The following LUZP2 variants were observed in gnomAD, a reference collection of about 807,000 sequenced individuals.
LUZP2 encodes leucine zipper protein 2.
Under a neutral mutation model 51.6 loss-of-function variants are expected in LUZP2, and 52 were observed. That is an observed-to-expected ratio of 1.01 (90% confidence interval 0.81 to 1.27). LUZP2 has a LOEUF of 1.27. LUZP2 is among the 50% of genes most tolerant of loss of function. The pLI, the probability that LUZP2 is intolerant of heterozygous loss-of-function variation, is 0.00. For synonymous variants in LUZP2, 154 were observed against 137.3 expected, an observed-to-expected ratio of 1.12 and a Z score of -0.85; for missense variants, 436 against 395.4, an observed-to-expected ratio of 1.10 and a Z score of -0.87.
At chr11:24,681,184 T>C (rs59794893) in intron 1 of LUZP2, among the ~76,000 whole-genome samples, 6,273 of 151,972 alleles carry the variant, frequency 0.041, 151 homozygotes, top group African/African-American at 0.061. Flanking sequence ...GGTTTCACCT[T>C]GTTAGCCAGG....
chr11:24,653,002 G>T (rs1310307891), intron 1 of LUZP2, among the ~76,000 whole-genome samples: 1 of 152,126 alleles, frequency 6.6e-6, no homozygotes. Context: ...TCAAAGGTTA[G>T]AATTAAGGTG....
At chr11:24,672,362 G>T (rs1467189535) in intron 1 of LUZP2, among the ~76,000 whole-genome samples, 2 of 151,768 alleles carry the variant, frequency 1.3e-5, no homozygotes, top group African/African-American at 4.8e-5. Context: ...CTATTATTTT[G>T]GGAAAGCCAC....
chr11:24,825,065 CTA>C (rs997334068), intron 5 of LUZP2, among the ~76,000 whole-genome samples: 4 of 151,936 alleles, frequency 2.6e-5, no homozygotes, highest in Non-Finnish European at 4.4e-5. Flanking sequence ...TGTGTGTACA[CTA>C]TGTGTAAACA....
At chr11:24,666,012 C>T (rs1224145666) in intron 1 of LUZP2, among the ~76,000 whole-genome samples, 1 of 152,012 alleles carries the variant, frequency 6.6e-6, no homozygotes, top group Non-Finnish European at 1.5e-5. Flanking sequence ...TGTAATTTTA[C>T]TGATGCAGGT....
chr11:24,764,212 C>T (rs723141), intron 5 of LUZP2, among the ~76,000 whole-genome samples: 24,989 of 151,996 alleles, frequency 0.16, 2,321 homozygotes, highest in East Asian at 0.41. Context: ...TGCGTGGGCG[C>T]GTACACACAC....
At chr11:24,526,395 A>C (rs78289844) in intron 1 of LUZP2, among the ~76,000 whole-genome samples, 5,053 of 151,282 alleles carry the variant, frequency 0.033, 248 homozygotes, top group African/African-American at 0.11. Context: ...TGGCACAGTT[A>C]ATGATTAAAG....
chr11:24,898,559 C>A (rs1451720608), intron 5 of LUZP2, among the ~76,000 whole-genome samples: 1 of 151,596 alleles, frequency 6.6e-6, no homozygotes, highest in Non-Finnish European at 1.5e-5. Context: ...GGAAGCAGAG[C>A]TTACAGTGAG....
intron 5 of LUZP2, among the ~76,000 whole-genome samples, chr11:24,899,264 G>A (rs528156880): frequency 7.2e-5 from 11 of 151,836 alleles, no homozygotes; most frequent in South Asian, 4.2e-4. Context: ...ATCTTATAGC[G>A]TGTGATTTAG....
rs139250754 is a variant in LUZP2 at position 24,805,939 on chromosome 11, T to C, written c.396+42631T>C. On this transcript the variant is annotated intron_variant, in intron 5 of 11. Transcript: ENST00000336930. ...TTATTGCAGGGGTTTTAATTCCACA[T>C]TTCTGTCCTGCAACAAGAGTAAGAA... 2.6e-3 allele frequency among the ~76,000 whole-genome samples: 389 copies of C among 152,270 alleles called. 1 individual carries two copies. The highest frequency in any genetic ancestry group is 8.8e-3 in the African/African-American group (366 of 41,562).
At position 24,611,062 on chromosome 11, in the gene LUZP2, T is replaced by G. The variant is rs1302767121; in HGVS notation, c.62+113757T>G. The stretch of plus-strand genomic sequence containing the variant: ...CTTACATGACATAGCTTTGTTTTTT[T>G]TTATTTTTATTTTTTGTTTTGTTTT... On this transcript the variant is annotated intron_variant, in intron 1 of 11. Transcript: ENST00000336930. This position sits in a 1 kb window ranked among gnomAD's most constrained non-coding sequence, Gnocchi z 4.6. Among the ~76,000 whole-genome samples, 1 of 151,992 alleles carries G rather than the reference T, an allele frequency of 6.6e-6. No homozygotes were observed. The highest frequency in any genetic ancestry group is 1.9e-4 in the East Asian group (1 of 5,196).
At chr11:24,613,202 C>T (rs1396762754) in intron 1 of LUZP2, among the ~76,000 whole-genome samples, 4 of 152,024 alleles carry the variant, frequency 2.6e-5, no homozygotes, top group Admixed American at 2.6e-4. Flanking sequence ...ATTTCAGATA[C>T]TTGGTAAAGG....
chr11:25,023,572 CA>C (rs142345556), intron 9 of LUZP2, among the ~76,000 whole-genome samples: 87,886 of 151,162 alleles, frequency 0.58, 26,569 homozygotes, highest in African/African-American at 0.75. Context: ...TATCAATTTT[CA>C]AAAAAACCAG....
At chr11:24,579,486 T>G (rs73431186) in intron 1 of LUZP2, among the ~76,000 whole-genome samples, 3 of 152,122 alleles carry the variant, frequency 2.0e-5, no homozygotes, top group Non-Finnish European at 4.4e-5. Context: ...CTCTGCACAA[T>G]TGCAAAGGAC....
At chr11:24,895,226 G>A (rs994868883) in intron 5 of LUZP2, among the ~76,000 whole-genome samples, 6 of 152,010 alleles carry the variant, frequency 3.9e-5, no homozygotes, top group Admixed American at 6.6e-5. Flanking sequence ...CCTTAGAGTA[G>A]GCTAGAAAAT....
At chr11:24,565,354 G>T (rs145579558) in intron 1 of LUZP2, among the ~76,000 whole-genome samples, 8 of 152,246 alleles carry the variant, frequency 5.3e-5, no homozygotes, top group East Asian at 1.9e-4. Flanking sequence ...AACACACCTT[G>T]CAGGCAGTGA....
chr11:24,620,118 G>T (rs192797115), intron 1 of LUZP2, among the ~76,000 whole-genome samples: 3 of 152,280 alleles, frequency 2.0e-5, no homozygotes, highest in Admixed American at 2.0e-4. Context: ...ATTTTAGTCA[G>T]TGAGTCTAAA....
intron 9 of LUZP2, among the ~76,000 whole-genome samples, chr11:25,005,568 C>T (rs968384575): frequency 6.6e-6 from 1 of 151,998 alleles, no homozygotes; most frequent in Non-Finnish European, 1.5e-5. Context: ...CCAGGGTGAA[C>T]CTGTTGATGC....
intron 10 of LUZP2, among the ~76,000 whole-genome samples, chr11:25,062,394 G>T (rs12222970): frequency 0.37 from 55,437 of 149,506 alleles, 13,109 homozygotes; most frequent in East Asian, 0.77. Context: ...AGACCAGCCT[G>T]GGAAACATGT....
At chr11:24,884,806 G>A (rs558661371) in intron 5 of LUZP2, among the ~76,000 whole-genome samples, 4 of 151,992 alleles carry the variant, frequency 2.6e-5, no homozygotes, top group East Asian at 1.9e-4. Context: ...TTACTGTCAG[G>A]TTCCTTCATA....
Sources: allele counts gnomAD v4.1 joint callset (sites outside exome capture counted in the v4.1 genomes callset), GRCh38; gene constraint gnomAD v4.1.1; non-coding constraint Gnocchi (gnomAD v3.1); transcripts MANE v1.5; gene names NCBI Gene and HGNC (gene_info 2026-07-23, HGNC 2026-07-21).